Variants in TBC1D21 observed in about 807,000 individuals in gnomAD.
TBC1D21 encodes TBC1 domain family member 21.
In TBC1D21, 38 loss-of-function variants were observed where a neutral mutation model predicts 46.0. The ratio of observed to expected loss-of-function variants is 0.83; its 90% confidence interval spans 0.64 to 1.08. The LOEUF (loss-of-function observed/expected upper bound fraction) is 1.08. Among genes scored for constraint, TBC1D21 ranks in the 50% least tolerant of loss-of-function variants. The pLI is 0.00. For missense variants in TBC1D21, 415 were observed against 417.9 expected, an observed-to-expected ratio of 0.99 and a Z score of 0.06; for synonymous variants, 151 against 157.2, an observed-to-expected ratio of 0.96 and a Z score of 0.29.
Position 73,873,729 on chromosome 15 carries a change from A to G in TBC1D21, c.20A>G (p.Glu7Gly). ...GGGGCCATGACCACCCTCTCTCCTG[A>G]AAACAGCCTCTCTGCCAGACAGTCA... is the stretch of plus-strand genomic sequence containing the variant. MTTLSP[E>G]NSLSARQSAS... The change falls in exon 1 of 11, where the codon GAA becomes GGA. Residue 7 changes from glutamate (E) to glycine (G), a missense_variant. By Grantham distance (98) the Glu-to-Gly change is moderately conservative. Coordinates refer to ENST00000300504, the MANE Select transcript of TBC1D21 (RefSeq NM_153356.3). 1.2e-6 allele frequency: 2 copies of G among 1,608,888 alleles called. No homozygotes were observed. Among genetic ancestry groups the G allele is most frequent in the Non-Finnish European group, 1.7e-6 (2 of 1,177,134 alleles).
At chr15:73,873,893 C>T (rs529682410) in intron 1 of TBC1D21, 124 bp downstream of exon 1, 9 of 1,104,216 alleles carry the variant, frequency 8.2e-6, no homozygotes, top group African/African-American at 6.2e-5. Context: ...GGAGCAAGGG[C>T]GGTTGTACCT....
At chr15:73,889,226 G>T, downstream of TBC1D21, 1 of 1,182,218 alleles carries the variant, frequency 8.5e-7, no homozygotes, top group Non-Finnish European at 1.2e-6. Context: ...GGTTTGTGGT[G>T]GATGCTATGT....
At chr15:73,900,665 T>C in the TBC1D21 span, among the ~76,000 whole-genome samples, 1 of 152,102 alleles carries the variant, frequency 6.6e-6, no homozygotes, top group South Asian at 2.1e-4. Context: ...AGAACAGTCC[T>C]AGGAGAGAGG....
chr15:73,884,569 C>T (rs12902040), intron 4 of TBC1D21, among the ~76,000 whole-genome samples: 17,670 of 152,198 alleles, frequency 0.12, 1,344 homozygotes, highest in Non-Finnish European at 0.17. Flanking sequence ...GCCGAGGGTA[C>T]GGCCTCGTTA....
rs2068279943 is a variant in TBC1D21 at position 73,887,898 on chromosome 15, C to T, written c.894+162C>T. On this transcript the variant is annotated intron_variant, in intron 9 of 10. Coordinates refer to ENST00000300504, the MANE Select transcript of TBC1D21 (RefSeq NM_153356.3). ...GAGATCTAAGGTACGGATTACCGTG[C>T]CAAGGGCTTTTAATAGAGCTTGTTT... Among the ~76,000 whole-genome samples, 8 of 152,316 alleles carry T rather than the reference C, an allele frequency of 5.3e-5. No homozygotes were observed. In the South Asian group the frequency reaches 1.5e-3, roughly 28 times the overall value.
downstream of TBC1D21, among the ~76,000 whole-genome samples, chr15:73,891,440 G>A (rs569666668): frequency 8.1e-4 from 123 of 152,272 alleles, no homozygotes; most frequent in South Asian, 0.012. Flanking sequence ...TGGGGGAGGC[G>A]CAGTGAGGGC....
At position 73,886,632 on chromosome 15, in the gene TBC1D21, A is replaced by G. The variant is rs774559438; in HGVS notation, c.777+20A>G. ...TGGGAGGTGAGGTGTCCAGCTAGGG[A>G]TCATCAGGCTGGGCTCCACCCATCA... On this transcript the variant is annotated intron_variant, in intron 8 of 10. Coordinates refer to ENST00000300504, the MANE Select transcript of TBC1D21 (RefSeq NM_153356.3). 3.5e-5 allele frequency: 56 copies of G among 1,606,530 alleles called. No individual in the cohort carries two copies. Among genetic ancestry groups the G allele is most frequent in the Non-Finnish European group, 4.4e-5 (52 of 1,174,414 alleles).
intron 1 of TBC1D21, among the ~76,000 whole-genome samples, chr15:73,876,386 C>T (rs1244878476): frequency 7.3e-6 from 1 of 136,610 alleles, no homozygotes; most frequent in Non-Finnish European, 1.6e-5. Flanking sequence ...CACTACAACA[C>T]CCGGGTAATT....
At chr15:73,878,651 T>C (rs1312112470) in intron 1 of TBC1D21, among the ~76,000 whole-genome samples, 1 of 152,188 alleles carries the variant, frequency 6.6e-6, no homozygotes, top group East Asian at 1.9e-4. Context: ...ATATATTGTG[T>C]TCACAGGTCA....
chr15:73,877,853 CA>C (rs2068093816), intron 1 of TBC1D21, among the ~76,000 whole-genome samples: 1 of 152,108 alleles, frequency 6.6e-6, no homozygotes, highest in Admixed American at 6.5e-5. Flanking sequence ...CATTATTTGA[CA>C]AAATCCAACA....
intron 1 of TBC1D21, among the ~76,000 whole-genome samples, chr15:73,879,703 T>G (rs1012481542): frequency 6.6e-5 from 10 of 152,188 alleles, no homozygotes; most frequent in African/African-American, 9.7e-5. Context: ...CATATTCAGA[T>G]GTATACTAAT....
At chr15:73,889,384 G>GT, downstream of TBC1D21, among the ~76,000 whole-genome samples, 2 of 152,194 alleles carry the variant, frequency 1.3e-5, no homozygotes, top group Non-Finnish European at 2.9e-5. Flanking sequence ...TTGATGGAGG[G>GT]TTTTCCAAGG....
chr15:73,894,996 G>A, the TBC1D21 span, among the ~76,000 whole-genome samples: 2 of 152,334 alleles, frequency 1.3e-5, no homozygotes, highest in South Asian at 2.1e-4. Flanking sequence ...TGGCAGGCAC[G>A]GGAGGGCGGA....
intron 3 of TBC1D21, among the ~76,000 whole-genome samples, chr15:73,883,219 C>T (rs1567066156): frequency 6.6e-6 from 1 of 152,204 alleles, no homozygotes; most frequent in Non-Finnish European, 1.5e-5. Context: ...CAGAGTGACC[C>T]GGGGTGGGAC....
chr15:73,900,352 C>T, the TBC1D21 span, among the ~76,000 whole-genome samples: 5 of 152,238 alleles, frequency 3.3e-5, no homozygotes, highest in Non-Finnish European at 7.3e-5. Flanking sequence ...TTGGCTGAGG[C>T]CTGGCACACG....
chr15:73,887,859 A>G (rs1286969912), intron 9 of TBC1D21, 123 bp downstream of exon 9: 4 of 753,576 alleles, frequency 5.3e-6, no homozygotes, highest in Non-Finnish European at 2.2e-6. Flanking sequence ...TTCCCCCCAG[A>G]CAGAAAGGGC....
At chr15:73,893,153 G>A (rs934747066), downstream of TBC1D21, among the ~76,000 whole-genome samples, 1 of 152,178 alleles carries the variant, frequency 6.6e-6, no homozygotes, top group African/African-American at 2.4e-5. Flanking sequence ...AATAGTGCCA[G>A]AGGAAAAGAT....
At chr15:73,898,454 ATG>A in the TBC1D21 span, among the ~76,000 whole-genome samples, 1 of 152,238 alleles carries the variant, frequency 6.6e-6, no homozygotes, top group Admixed American at 6.5e-5. Context: ...TAGAAACAGA[ATG>A]TGAGTGAACC....
chr15:73,888,552 C>G (rs1225451642), intron 10 of TBC1D21, 39 bp downstream of exon 10: 2 of 1,348,234 alleles, frequency 1.5e-6, no homozygotes, highest in Admixed American at 3.5e-5. Context: ...CCTCCTCTTC[C>G]TCCTCCTCCT....
Sources: gnomAD v4.1 joint callset for allele counts (sites outside exome capture counted in the v4.1 genomes callset) on GRCh38, gnomAD v4.1.1 for gene constraint, MANE v1.5 for transcripts, NCBI Gene and HGNC (gene_info 2026-07-23, HGNC 2026-07-21) for gene names.